RAB3GAP1: variants seen among roughly 807,000 people sequenced by gnomAD.
RAB3GAP1 encodes RAB3 GTPase activating protein catalytic subunit 1.
In RAB3GAP1, 86 loss-of-function variants were observed where a neutral mutation model predicts 130.7. That is an observed-to-expected ratio of 0.66 (90% confidence interval 0.55 to 0.79). The LOEUF (loss-of-function observed/expected upper bound fraction) is 0.79. Among genes scored for constraint, RAB3GAP1 ranks in the 30% least tolerant of loss-of-function variants. The pLI is 0.00. For synonymous variants in RAB3GAP1, 367 were observed against 401.7 expected, an observed-to-expected ratio of 0.91 and a Z score of 1.03; for missense variants, 1,029 against 1,169.4, an observed-to-expected ratio of 0.88 and a Z score of 1.75.
At chr2:135,084,456 G>A (rs940290360) in intron 3 of RAB3GAP1, among the ~76,000 whole-genome samples, 1 of 152,006 alleles carries the variant, frequency 6.6e-6, no homozygotes. Flanking sequence ...ATCTGCAAAC[G>A]ATTTTTAGTT....
intron 11 of RAB3GAP1, among the ~76,000 whole-genome samples, chr2:135,128,472 TA>T: frequency 6.6e-6 from 1 of 152,242 alleles, no homozygotes; most frequent in East Asian, 1.9e-4. Flanking sequence ...AAATGAACAG[TA>T]AATGGTTTCT....
chr2:135,113,380 G>A (rs1690876312), intron 6 of RAB3GAP1, 110 bp downstream of exon 6: 7 of 1,393,930 alleles, frequency 5.0e-6, no homozygotes, highest in Admixed American at 1.8e-5. Context: ...GGAACTTAGT[G>A]CATATATATT....
intron 3 of RAB3GAP1, among the ~76,000 whole-genome samples, chr2:135,081,223 C>T (rs1394609529): frequency 2.1e-5 from 3 of 144,644 alleles, no homozygotes; most frequent in Admixed American, 7.0e-5. Context: ...AGGAGAATGG[C>T]GTGAACCCGG....
intron 2 of RAB3GAP1, among the ~76,000 whole-genome samples, chr2:135,055,894 T>C (rs1688994347): frequency 6.6e-6 from 1 of 152,056 alleles, no homozygotes; most frequent in Non-Finnish European, 1.5e-5. Flanking sequence ...TGGAGTGCAG[T>C]GGCGCGATCT....
At chr2:135,081,323 AAAAAATATATATATAT>A (rs1204442688) in intron 3 of RAB3GAP1, among the ~76,000 whole-genome samples, 1 of 83,542 alleles carries the variant, frequency 1.2e-5, no homozygotes, top group African/African-American at 7.9e-5. Context: ...AAAAAAAAAA[AAAAAATATATATATAT>A]ATATATATAT....
chr2:135,150,402 G>A lies in RAB3GAP1; in HGVS notation c.1957G>A (p.Glu653Lys). The A allele has an allele frequency of 6.2e-7, 1 of 1,614,200 alleles. No homozygotes were observed. Among genetic ancestry groups the A allele is most frequent in the Non-Finnish European group, 8.5e-7 (1 of 1,180,040 alleles). Residue 653 changes from glutamate (E) to lysine (K), a missense_variant, in exon 18 of 24, where the codon GAG (glutamate) becomes AAG (lysine). Physicochemically the swap from Glu to Lys is moderately conservative, Grantham distance 56 (BLOSUM62 1). Transcript: ENST00000264158. ...PAPMTEDLLE[E>K]QSEVLAKLGT... ...ACCTATGACAGAAGATCTGCTAGAA[G>A]AGCAGTCTGAAGTTTTAGCTAAATT...
downstream of RAB3GAP1, among the ~76,000 whole-genome samples, chr2:135,174,008 G>A (rs1369050031): frequency 2.0e-5 from 3 of 152,192 alleles, no homozygotes; most frequent in South Asian, 2.1e-4. Context: ...GGACTCTGCC[G>A]CTGGCATTTC....
intron 14 of RAB3GAP1, 43 bp downstream of exon 14, chr2:135,133,027 C>A: frequency 8.7e-7 from 1 of 1,147,206 alleles, no homozygotes; most frequent in Non-Finnish European, 1.3e-6. Flanking sequence ...TTTAAATGCA[C>A]TGAATTTCTA....
At chr2:135,069,886 G>T (rs2104839948) in intron 3 of RAB3GAP1, among the ~76,000 whole-genome samples, 1 of 152,036 alleles carries the variant, frequency 6.6e-6, no homozygotes, top group Non-Finnish European at 1.5e-5. Flanking sequence ...CTCCAGGAAA[G>T]GAAAAAAAAT....
At chr2:135,145,324 A>T (rs1558798277) in intron 17 of RAB3GAP1, among the ~76,000 whole-genome samples, 1 of 152,018 alleles carries the variant, frequency 6.6e-6, no homozygotes, top group African/African-American at 2.4e-5. Context: ...TGAACATTAG[A>T]ACTTATTCCT....
chr2:135,116,153 A>T (rs1389672875), intron 7 of RAB3GAP1, among the ~76,000 whole-genome samples: 3 of 152,224 alleles, frequency 2.0e-5, no homozygotes. Flanking sequence ...GTTGATTAAT[A>T]AACTGACATC....
Position 135,109,727 on chromosome 2 carries a change from G to A in RAB3GAP1, c.363-3424G>A, listed in dbSNP as rs1442804263. On this transcript the variant is annotated intron_variant, in intron 5 of 23. Transcript: ENST00000264158. ...CTCCTGAGTAGCTGGGACTACAGGC[G>A]CCCACCACCACGCCCAGCTAATTTT... 2.6e-5 allele frequency among the ~76,000 whole-genome samples: 4 copies of A among 151,802 alleles called. No individual in the cohort carries two copies. The South Asian group carries it at 6.2e-4, about 24-fold the overall frequency.
chr2:135,052,470 C>T lies in RAB3GAP1; in HGVS notation c.59C>T (p.Ala20Val). Residue 20 changes from alanine (A) to valine (V), a missense_variant, in exon 2 of 24, where the codon GCC (alanine) becomes GTC (valine). Physicochemically the swap from Ala to Val is moderately conservative, Grantham distance 64. Coordinates refer to ENST00000264158, the MANE Select transcript of RAB3GAP1 (RefSeq NM_012233.3). ...EVFEITDFTT[A>V]SEWERFISKV... Reference sequence around the variant, plus strand: ...TTTGAGATCACGGACTTCACCACTGCCTCGGAATGGGAAAGGTGAGTGAAT... The same window carrying T: ...TTTGAGATCACGGACTTCACCACTGTCTCGGAATGGGAAAGGTGAGTGAAT... 2 of 1,613,930 alleles carry T rather than the reference C, an allele frequency of 1.2e-6. No individual in the cohort carries two copies. Among genetic ancestry groups the T allele is most frequent in the East Asian group, 2.2e-5 (1 of 44,870 alleles).
At chr2:135,118,044 G>A (rs138411633) in intron 7 of RAB3GAP1, among the ~76,000 whole-genome samples, 1 of 151,984 alleles carries the variant, frequency 6.6e-6, no homozygotes, top group Non-Finnish European at 1.5e-5. Context: ...GTAGAGACCA[G>A]CCTGTTGCTC....
At chr2:135,092,194 C>CT (rs1173024437) in intron 4 of RAB3GAP1, among the ~76,000 whole-genome samples, 1 of 152,124 alleles carries the variant, frequency 6.6e-6, no homozygotes, top group Admixed American at 6.5e-5. Flanking sequence ...AATATGAGAA[C>CT]TTTAAGAGGA....
intron 18 of RAB3GAP1, among the ~76,000 whole-genome samples, chr2:135,151,407 C>A (rs1040886777): frequency 1.3e-5 from 2 of 152,184 alleles, no homozygotes; most frequent in Non-Finnish European, 2.9e-5. Context: ...CTCTGAAACA[C>A]CTGTGTATTA....
intron 9 of RAB3GAP1, among the ~76,000 whole-genome samples, chr2:135,125,757 G>A (rs1019090968): frequency 2.6e-5 from 4 of 152,136 alleles, no homozygotes; most frequent in Non-Finnish European, 5.9e-5. Context: ...AGAACAACAT[G>A]CAACTTTAAA....
At chr2:135,075,728 C>T (rs1306998381) in intron 3 of RAB3GAP1, among the ~76,000 whole-genome samples, 2 of 150,734 alleles carry the variant, frequency 1.3e-5, no homozygotes, top group Non-Finnish European at 2.9e-5. Context: ...AAATATCTGA[C>T]GATCTCTATC....
intron 17 of RAB3GAP1, among the ~76,000 whole-genome samples, chr2:135,149,602 T>C (rs970937142): frequency 6.6e-6 from 1 of 152,218 alleles, no homozygotes; most frequent in African/African-American, 2.4e-5. Flanking sequence ...TGCATGTTCA[T>C]TGTAGAGAAA....
Sources: gnomAD v4.1 joint callset for allele counts (sites outside exome capture counted in the v4.1 genomes callset) on GRCh38, gnomAD v4.1.1 for gene constraint, MANE v1.5 for transcripts, NCBI Gene and HGNC (gene_info 2026-07-23, HGNC 2026-07-21) for gene names.